Variants in KRTAP4-2 observed in about 807,000 individuals in gnomAD.
KRTAP4-2 encodes the protein keratin-associated protein 4-2.
For missense variants in KRTAP4-2, 178 were observed against 177.3 expected, an observed-to-expected ratio of 1.00 and a Z score of -0.02; for synonymous variants, 56 against 63.5, an observed-to-expected ratio of 0.88 and a Z score of 0.56.
In KRTAP4-2 at chr17:41,177,562, GA is replaced by G; in HGVS notation, c.*191del. 1.2e-6 allele frequency: 1 copy of G among 865,048 alleles called. No homozygotes were observed. The highest frequency in any genetic ancestry group is 1.8e-6 in the Non-Finnish European group (1 of 568,922). The allele number at this position is 865,048 out of a possible 1,614,324, so 53.6% of individuals were successfully genotyped here. On this transcript the variant is annotated 3_prime_UTR_variant, in exon 1 of 1. Coordinates refer to ENST00000377726, the MANE Select transcript of KRTAP4-2 (RefSeq NM_033062.4). ...GGGAACATGGGGTTGACATATTTCA[GA>G]GAAAATTCAAACTTGTATTCATTTG...
At position 41,178,115 on chromosome 17, in the gene KRTAP4-2, A is replaced by C; in HGVS notation, c.50T>G (p.Leu17Arg). 1 of 1,614,080 alleles carries C rather than the reference A, an allele frequency of 6.2e-7. No individual in the cohort carries two copies. The highest frequency in any genetic ancestry group is 8.5e-7 in the Non-Finnish European group (1 of 1,179,984). ...GSVCSDQGCG[L>R]ENCCRPSCCQ... The stretch of plus-strand genomic sequence containing the variant: ...GCAGCTGGGACGGCAGCAGTTCTCT[A>C]GGCCACAGCCCTGGTCAGAGCACAC... Residue 17 changes from leucine to arginine, a missense_variant, in exon 1 of 1, where the codon CTA (leucine) becomes CGA (arginine). By Grantham distance (102) the Leu-to-Arg change is moderately radical. Transcript: ENST00000377726.
Position 41,177,502 on chromosome 17 carries a change from G to T in KRTAP4-2, c.*252C>A. ...TTAAGATAGAGGAATAGCTCCATGT[G>T]ATAAATTATGGTAGAGAGCAAATAT... is the stretch of plus-strand genomic sequence containing the variant. On this transcript the variant is annotated 3_prime_UTR_variant, in exon 1 of 1. Coordinates refer to ENST00000377726, the MANE Select transcript of KRTAP4-2 (RefSeq NM_033062.4). The T allele has an allele frequency of 1.7e-6, 1 of 601,718 alleles. No individual in the cohort carries two copies. Among genetic ancestry groups the T allele is most frequent in the Non-Finnish European group, 2.8e-6 (1 of 355,050 alleles). The allele number at this position is 601,718 out of a possible 1,614,324, so 37.3% of individuals were successfully genotyped here. A position where few individuals can be genotyped will look rare whatever the true frequency, so the allele number is the denominator to read the frequency against.
At position 41,177,453 on chromosome 17, in the gene KRTAP4-2, T is replaced by C. The variant is rs7220116; in HGVS notation, c.*301A>G. ...AGACACAATGCCCGTATATTATTTG[T>C]ATGCCTCAAAAATTAAAATTTATTT... On this transcript the variant is annotated 3_prime_UTR_variant, in exon 1 of 1. Transcript: ENST00000377726. The C allele has an allele frequency of 0.49, 240,425 of 491,684 alleles. 60,074 individuals carry two copies. Among genetic ancestry groups the C allele is most frequent in the Middle Eastern group, 0.56 (1,060 of 1,898 alleles). 30.5% of individuals were successfully genotyped at this position (491,684 alleles called of 1,614,324 possible).
Position 41,177,588 on chromosome 17 carries a change from G to A in KRTAP4-2, c.*166C>T. 1 of 1,065,920 alleles carries A rather than the reference G, an allele frequency of 9.4e-7. No individual in the cohort carries two copies. Among genetic ancestry groups the A allele is most frequent in the Non-Finnish European group, 1.4e-6 (1 of 736,554 alleles). 66.0% of individuals were successfully genotyped at this position (1,065,920 alleles called of 1,614,324 possible). A position where few individuals can be genotyped will look rare whatever the true frequency, so the allele number is the denominator to read the frequency against. On this transcript the variant is annotated 3_prime_UTR_variant, in exon 1 of 1. Transcript: ENST00000377726. ...AGAAAATTCAAACTTGTATTCATTT[G>A]GTAGAGGGTAGCAACATAGTGTTTG...
In KRTAP4-2 at chr17:41,177,734, G is replaced by A; in HGVS notation, c.*20C>T. On this transcript the variant is annotated 3_prime_UTR_variant, in exon 1 of 1. Coordinates refer to ENST00000377726, the MANE Select transcript of KRTAP4-2 (RefSeq NM_033062.4). The stretch of plus-strand genomic sequence containing the variant: ...TCAAGAATGCTGGTTAATAAAGGCA[G>A]GTGAGTATAGGTGAGGGCATCAGCA... The A allele has an allele frequency of 6.2e-7, 1 of 1,608,678 alleles. No homozygotes were observed.
Position 41,177,729 on chromosome 17 carries a change from A to G in KRTAP4-2, c.*25T>C. On this transcript the variant is annotated 3_prime_UTR_variant, in exon 1 of 1. Transcript: ENST00000377726. The stretch of plus-strand genomic sequence containing the variant: ...TCATATCAAGAATGCTGGTTAATAA[A>G]GGCAGGTGAGTATAGGTGAGGGCAT... 6.2e-7 allele frequency: 1 copy of G among 1,606,112 alleles called. No individual in the cohort carries two copies. Among genetic ancestry groups the G allele is most frequent in the South Asian group, 1.1e-5 (1 of 89,950 alleles).
chr17:41,178,140 C>G lies in KRTAP4-2; in HGVS notation c.25G>C (p.Val9Leu). 1 of 1,613,260 alleles carries G rather than the reference C, an allele frequency of 6.2e-7. No individual in the cohort carries two copies. The highest frequency in any genetic ancestry group is 1.3e-5 in the African/African-American group (1 of 75,068). The stretch of plus-strand genomic sequence containing the variant: ...AGGCCACAGCCCTGGTCAGAGCACA[C>G]AGAGCCACAACAGGAGTTGACCATG... MVNSCCGSVCSDQGCGLEN... is the reference protein window; with the variant it reads MVNSCCGSLCSDQGCGLEN... Residue 9 changes from valine (V) to leucine (L), a missense_variant, in exon 1 of 1, where the codon GTG (valine) becomes CTG (leucine). Coordinates refer to ENST00000377726, the MANE Select transcript of KRTAP4-2 (RefSeq NM_033062.4).
In KRTAP4-2 at chr17:41,178,022, G is replaced by A. The variant is rs376498383; in HGVS notation, c.143C>T (p.Pro48Leu). 5.0e-5 allele frequency: 81 copies of A among 1,606,142 alleles called. No individual in the cohort carries two copies. The highest frequency in any genetic ancestry group is 1.9e-4 in the African/African-American group (14 of 74,902). ...GCAGCACACAGACTGGCAGCACTGC[G>A]GTCTGCAGCAGCTGGACACACAGCA... ...PSCCVSSCCR[P>L]QCCQSVCCQP... The change falls in exon 1 of 1, where the codon CCG (proline) becomes CTG (leucine). Residue 48 changes from proline (P) to leucine (L), a missense_variant. Coordinates refer to ENST00000377726, the MANE Select transcript of KRTAP4-2 (RefSeq NM_033062.4).
Position 41,177,810 on chromosome 17 carries a change from T to C in KRTAP4-2, c.355A>G (p.Ser119Gly). ...TCCRTTCYRPSCCVSTCCRPT... is the reference protein window; with the variant it reads ...TCCRTTCYRPGCCVSTCCRPT... ...CGGCAGCAGGTGGACACACAGCAGC[T>C]GGGGCGGTAGCAGGTGGTCCTGCAG... Residue 119 changes from serine to glycine, a missense_variant, in exon 1 of 1, where the codon AGC (serine) becomes GGC (glycine). Physicochemically the swap from Ser to Gly is moderately conservative, Grantham distance 56. Transcript: ENST00000377726. 1 of 1,612,818 alleles carries C rather than the reference T, an allele frequency of 6.2e-7. No homozygotes were observed. Among genetic ancestry groups the C allele is most frequent in the East Asian group, 2.2e-5 (1 of 44,756 alleles).
rs1436423113 is a variant in KRTAP4-2, at chr17:41,177,993, G to T, written c.172C>A (p.Pro58Thr). 3.7e-6 allele frequency: 6 copies of T among 1,603,972 alleles called. No individual in the cohort carries two copies. Among genetic ancestry groups the T allele is most frequent in the Non-Finnish European group, 5.1e-6 (6 of 1,173,494 alleles). The change falls in exon 1 of 1, where the codon CCC becomes ACC. Residue 58 changes from proline (P) to threonine (T), a missense_variant. By Grantham distance (38) the Pro-to-Thr change is conservative (BLOSUM62 -1). Transcript: ENST00000377726. ...CAGCAGCTGGGGCTGCAGCAGGTGG[G>T]CTGGCAGCACACAGACTGGCAGCAC... ...PQCCQSVCCQ[P>T]TCCSPSCCQT...
chr17:41,177,700 T>G lies in KRTAP4-2; in HGVS notation c.*54A>C, dbSNP rs114011784. 1,919 of 1,582,984 alleles carry G rather than the reference T, an allele frequency of 1.2e-3. 25 individuals carry two copies. In the African/African-American group the frequency reaches 0.023, roughly 19 times the overall value. On this transcript the variant is annotated 3_prime_UTR_variant, in exon 1 of 1. Transcript: ENST00000377726. ...GGCCTTGCATGATTCAGTTCACAGG[T>G]GGATCATATCAAGAATGCTGGTTAA...
chr17:41,177,672 A>T lies in KRTAP4-2; in HGVS notation c.*82T>A. 1 of 1,553,664 alleles carries T rather than the reference A, an allele frequency of 6.4e-7. No individual in the cohort carries two copies. The highest frequency in any genetic ancestry group is 8.7e-7 in the Non-Finnish European group (1 of 1,147,442). On this transcript the variant is annotated 3_prime_UTR_variant, in exon 1 of 1. Coordinates refer to ENST00000377726, the MANE Select transcript of KRTAP4-2 (RefSeq NM_033062.4). ...AATTGGTTGGAACTGAGGTTGTCCA[A>T]TTGGCCTTGCATGATTCAGTTCACA...
In KRTAP4-2 at chr17:41,177,723, T is replaced by C. The variant is rs1361478928; in HGVS notation, c.*31A>G. 1 of 1,601,844 alleles carries C rather than the reference T, an allele frequency of 6.2e-7. No homozygotes were observed. Among genetic ancestry groups the C allele is most frequent in the Admixed American group, 1.7e-5 (1 of 59,636 alleles). On this transcript the variant is annotated 3_prime_UTR_variant, in exon 1 of 1. Transcript: ENST00000377726. The stretch of plus-strand genomic sequence containing the variant: ...GGTGGATCATATCAAGAATGCTGGT[T>C]AATAAAGGCAGGTGAGTATAGGTGA...
Position 41,177,794 on chromosome 17 carries a change from G to C in KRTAP4-2, c.371C>G (p.Thr124Ser), listed in dbSNP as rs557313980. ...TCYRPSCCVS[T>S]CCRPTCSSGS... ...ACTAGAGCAGGTTGGGCGGCAGCAG[G>C]TGGACACACAGCAGCTGGGGCGGTA... The change falls in exon 1 of 1, where the codon ACC (threonine) becomes AGC (serine). Residue 124 changes from threonine to serine, a missense_variant. Physicochemically the swap from Thr to Ser is moderately conservative, Grantham distance 58. Coordinates refer to ENST00000377726, the MANE Select transcript of KRTAP4-2 (RefSeq NM_033062.4). 5.0e-6 allele frequency: 8 copies of C among 1,613,900 alleles called. No homozygotes were observed. Among genetic ancestry groups the C allele is most frequent in the African/African-American group, 1.3e-5 (1 of 74,972 alleles).
In KRTAP4-2 at chr17:41,177,480, A is replaced by C. The variant is rs971199464; in HGVS notation, c.*274T>G. 2 of 536,398 alleles carry C rather than the reference A, an allele frequency of 3.7e-6. No homozygotes were observed. The highest frequency in any genetic ancestry group is 3.5e-5 in the South Asian group (1 of 28,462). The allele number at this position is 536,398 out of a possible 1,614,324, so 33.2% of individuals were successfully genotyped here. ...TGCCTCAAAAATTAAAATTTATTTA[A>C]GATAGAGGAATAGCTCCATGTGATA... is the stretch of plus-strand genomic sequence containing the variant. On this transcript the variant is annotated 3_prime_UTR_variant, in exon 1 of 1. Coordinates refer to ENST00000377726, the MANE Select transcript of KRTAP4-2 (RefSeq NM_033062.4).
Position 41,177,744 on chromosome 17 carries a change from G to T in KRTAP4-2, c.*10C>A, listed in dbSNP as rs768769613. On this transcript the variant is annotated 3_prime_UTR_variant, in exon 1 of 1. Coordinates refer to ENST00000377726, the MANE Select transcript of KRTAP4-2 (RefSeq NM_033062.4). ...TGGTTAATAAAGGCAGGTGAGTATA[G>T]GTGAGGGCATCAGCAGCAAGAGCCA... 6 of 1,612,024 alleles carry T rather than the reference G, an allele frequency of 3.7e-6. No individual in the cohort carries two copies. In the Admixed American group the frequency reaches 5.0e-5, roughly 13 times the overall value.
At position 41,177,583 on chromosome 17, in the gene KRTAP4-2, C is replaced by T. The variant is rs2015162748; in HGVS notation, c.*171G>A. On this transcript the variant is annotated 3_prime_UTR_variant, in exon 1 of 1. Transcript: ENST00000377726. ...TTCAGAGAAAATTCAAACTTGTATT[C>T]ATTTGGTAGAGGGTAGCAACATAGT... is the stretch of plus-strand genomic sequence containing the variant. 2 of 1,035,110 alleles carry T rather than the reference C, an allele frequency of 1.9e-6. No individual in the cohort carries two copies. Among genetic ancestry groups the T allele is most frequent in the Non-Finnish European group, 2.8e-6 (2 of 711,952 alleles). The allele number at this position is 1,035,110 out of a possible 1,614,324, so 64.1% of individuals were successfully genotyped here.
chr17:41,177,797 G>A lies in KRTAP4-2; in HGVS notation c.368C>T (p.Ser123Phe). 1 of 1,614,036 alleles carries A rather than the reference G, an allele frequency of 6.2e-7. No homozygotes were observed. The highest frequency in any genetic ancestry group is 8.5e-7 in the Non-Finnish European group (1 of 1,180,002). ...AGAGCAGGTTGGGCGGCAGCAGGTG[G>A]ACACACAGCAGCTGGGGCGGTAGCA... is the stretch of plus-strand genomic sequence containing the variant. ...TTCYRPSCCV[S>F]TCCRPTCSSG... Residue 123 changes from serine to phenylalanine, a missense_variant, in exon 1 of 1, where the codon TCC becomes TTC. Coordinates refer to ENST00000377726, the MANE Select transcript of KRTAP4-2 (RefSeq NM_033062.4).
At position 41,177,659 on chromosome 17, in the gene KRTAP4-2, C is replaced by A. The variant is rs1598016547; in HGVS notation, c.*95G>T. Reference sequence around the variant, plus strand: ...AACTCAATCCAAGAATTGGTTGGAACTGAGGTTGTCCAATTGGCCTTGCAT... The same window carrying A: ...AACTCAATCCAAGAATTGGTTGGAAATGAGGTTGTCCAATTGGCCTTGCAT... On this transcript the variant is annotated 3_prime_UTR_variant, in exon 1 of 1. Coordinates refer to ENST00000377726, the MANE Select transcript of KRTAP4-2 (RefSeq NM_033062.4). 1 of 1,544,794 alleles carries A rather than the reference C, an allele frequency of 6.5e-7. No homozygotes were observed. Among genetic ancestry groups the A allele is most frequent in the East Asian group, 2.3e-5 (1 of 44,264 alleles).
Sources: gnomAD v4.1 joint callset for allele counts on GRCh38, gnomAD v4.1.1 for gene constraint, MANE v1.5 for transcripts, NCBI Gene and HGNC (gene_info 2026-07-23, HGNC 2026-07-21) for gene names.